HAO2: variants seen among roughly 807,000 people sequenced by gnomAD.
HAO2 encodes the protein 2-Hydroxyacid oxidase 2.
In HAO2, 42 loss-of-function variants were observed where a neutral mutation model predicts 37.4. That is an observed-to-expected ratio of 1.12 (90% CI 0.88 to 1.45). The LOEUF (loss-of-function observed/expected upper bound fraction) is 1.45. HAO2 is among the 40% of genes most tolerant of loss of function. HAO2 has a pLI of 0.00. For synonymous variants in HAO2, 180 were observed against 162.8 expected, an observed-to-expected ratio of 1.11 and a Z score of -0.81; for missense variants, 476 against 430.2, an observed-to-expected ratio of 1.11 and a Z score of -0.94.
rs1648713475 is a variant in HAO2, at chr1:119,368,798, G to C, written c.-113G>C. 3 of 152,178 alleles carry C rather than the reference G, an allele frequency of 2.0e-5. No individual in the cohort carries two copies. The South Asian group carries it at 6.2e-4, about 31-fold the overall frequency. The allele number at this position is 152,178 out of a possible 1,614,324, so 9.4% of individuals were successfully genotyped here. A position where few individuals can be genotyped will look rare whatever the true frequency, so the allele number is the denominator to read the frequency against. On this transcript the variant is annotated 5_prime_UTR_variant, in exon 1 of 8. Transcript: ENST00000325945. ...AGCCTCTTCTTTAGCCTGAACTGTG[G>C]GTAGTGATGTGGTGTGTTTCCTAAC...
chr1:119,382,827 T>C, intron 2 of HAO2, 88 bp from the exon 3 acceptor site: 1 of 1,252,960 alleles, frequency 8.0e-7, no homozygotes, highest in African/African-American at 1.5e-5. Context: ...TAGACTTGTA[T>C]CAGGAATCAG....
At position 119,385,023 on chromosome 1, in the gene HAO2, A is replaced by C; in HGVS notation, c.531A>C (p.Leu177Phe). The C allele has an allele frequency of 6.2e-7, 1 of 1,613,294 alleles. No homozygotes were observed. Among genetic ancestry groups the C allele is most frequent in the Non-Finnish European group, 8.5e-7 (1 of 1,179,368 alleles). ...HDIRNQLRRN[L>F]TLTDLQSPKK... ...TTCGAAACCAGTTGAGGAGGAACTT[A>C]ACACTAACAGATCTTCAATCACCTA... The change falls in exon 4 of 8, where the codon TTA becomes TTC. Residue 177 changes from leucine to phenylalanine, a missense_variant. Coordinates refer to ENST00000325945, the MANE Select transcript of HAO2 (RefSeq NM_016527.4).
At chr1:119,381,358 T>C (rs1428488910) in intron 2 of HAO2, 142 bp downstream of exon 2, 1 of 702,390 alleles carries the variant, frequency 1.4e-6, no homozygotes, top group Non-Finnish European at 2.5e-6. Flanking sequence ...GTTGTTGTTT[T>C]GGTTTGTTAG....
In HAO2 at chr1:119,384,783, A is replaced by G. The variant is rs1040692260; in HGVS notation, c.291A>G (p.Gln97=). Residue 97 remains glutamine, a synonymous_variant, in exon 4 of 8, where the codon CAA becomes CAG. Transcript: ENST00000325945. ...DGEMSTARAA[Q]AAGICYITST... ...ATGTCCTTTGCTTTACAGCTGCCCA[A>G]GCGGCTGGTATCTGCTACATCACCA... 1 of 1,613,818 alleles carries G rather than the reference A, an allele frequency of 6.2e-7. No individual in the cohort carries two copies. Among genetic ancestry groups the G allele is most frequent in the Admixed American group, 1.7e-5 (1 of 60,014 alleles).
At position 119,392,615 on chromosome 1, in the gene HAO2, C is replaced by G. The variant is rs1157263939; in HGVS notation, c.931-3C>G. The G allele has an allele frequency of 1.3e-6, 2 of 1,596,910 alleles. No homozygotes were observed. Among genetic ancestry groups the G allele is most frequent in the Non-Finnish European group, 1.7e-6 (2 of 1,164,586 alleles). ...TGTCTCTGTCTGTCTGCCTCGGGAG[C>G]AGGGTGAACATGGTGTTAAGGAAGT... On this transcript the variant is annotated splice_region_variant and splice_polypyrimidine_tract_variant and intron_variant, in intron 6 of 7. Transcript: ENST00000325945.
At position 119,385,146 on chromosome 1, in the gene HAO2, C is replaced by T; in HGVS notation, c.561+93C>T. 2.7e-6 allele frequency: 4 copies of T among 1,508,832 alleles called. No homozygotes were observed. The South Asian group carries it at 5.3e-5, about 20-fold the overall frequency. 93.5% of individuals were successfully genotyped at this position (1,508,832 alleles called of 1,614,324 possible). A position where few individuals can be genotyped will look rare whatever the true frequency, so the allele number is the denominator to read the frequency against. On this transcript the variant is annotated intron_variant, in intron 4 of 7. Transcript: ENST00000325945. The stretch of plus-strand genomic sequence containing the variant: ...TTCCTCCATTCTTTCTTTCCACAGG[C>T]ATTTATCGAACACCTGCTCTGTGCC...
intron 5 of HAO2, among the ~76,000 whole-genome samples, chr1:119,390,629 T>C (rs41443445): frequency 0.038 from 5,818 of 152,298 alleles, 254 homozygotes; most frequent in East Asian, 0.19. Flanking sequence ...GTGGAGTTGA[T>C]AATAATTGTG....
chr1:119,388,977 T>A (rs1161588788), intron 5 of HAO2, among the ~76,000 whole-genome samples: 2 of 149,848 alleles, frequency 1.3e-5, no homozygotes, highest in African/African-American at 4.9e-5. Context: ...CTCTTATGCC[T>A]TTGCATCCTC....
intron 5 of HAO2, among the ~76,000 whole-genome samples, chr1:119,389,152 A>ATGTG (rs1553205822): frequency 1.3e-5 from 1 of 74,708 alleles, no homozygotes; most frequent in East Asian, 3.9e-4. Flanking sequence ...ATATATATAT[A>ATGTG]TATATATATA....
At chr1:119,383,480 C>T (rs369087119) in intron 3 of HAO2, among the ~76,000 whole-genome samples, 1 of 152,148 alleles carries the variant, frequency 6.6e-6, no homozygotes. Flanking sequence ...GAGAGAATCA[C>T]GACATTAGGT....
intron 1 of HAO2, among the ~76,000 whole-genome samples, chr1:119,373,895 G>A (rs142090313): frequency 4.3e-4 from 65 of 152,230 alleles, no homozygotes; most frequent in African/African-American, 1.4e-3. Context: ...ACAAAAAAAG[G>A]GCCATTATGG....
intron 5 of HAO2, 103 bp downstream of exon 5, chr1:119,386,934 C>CTCCTCT (rs1650431793): frequency 4.1e-6 from 3 of 736,038 alleles, no homozygotes; most frequent in Admixed American, 1.9e-5. Context: ...GCATATTTCA[C>CTCCTCT]TCCTCTGTAC....
At chr1:119,369,538 C>T (rs1648794884) in intron 1 of HAO2, among the ~76,000 whole-genome samples, 1 of 152,122 alleles carries the variant, frequency 6.6e-6, no homozygotes, top group Admixed American at 6.5e-5. Context: ...ATAAAGCGTC[C>T]ATTAGCAGGA....
rs775633274 is a variant in HAO2, at chr1:119,386,737, C to A, written c.677C>A (p.Thr226Lys). 1.2e-6 allele frequency: 2 copies of A among 1,613,382 alleles called. No individual in the cohort carries two copies. Among genetic ancestry groups the A allele is most frequent in the Non-Finnish European group, 1.7e-6 (2 of 1,179,406 alleles). The change falls in exon 5 of 8, where the codon ACA becomes AAA. Residue 226 changes from threonine (T) to lysine (K), a missense_variant. Thr to Lys is a moderately conservative substitution (Grantham distance 78). Transcript: ENST00000325945. ...CCCATCATCCTGAAAGGGATTTTGA[C>A]AAAAGAGGATGCAGAGTTAGCTGTG... Reference protein sequence around the residue: ...RLPIILKGILTKEDAELAVKH... With the variant: ...RLPIILKGILKKEDAELAVKH...
At chr1:119,385,237 A>C in intron 4 of HAO2, 184 bp downstream of exon 4, 1 of 984,850 alleles carries the variant, frequency 1.0e-6, no homozygotes, top group Non-Finnish European at 1.2e-6. Context: ...TTTCCAGACA[A>C]GCACAATCAA....
At chr1:119,392,404 C>T in intron 6 of HAO2, 136 bp downstream of exon 6, 1 of 780,810 alleles carries the variant, frequency 1.3e-6, no homozygotes, top group East Asian at 2.6e-5. Flanking sequence ...GCTGCATCTC[C>T]ATGCTTCTTC....
rs587615506 is a variant in HAO2 at position 119,379,990 on chromosome 1, G to A, written c.-8-1088G>A. Among the ~76,000 whole-genome samples the A allele has an allele frequency of 3.9e-5, 6 of 152,262 alleles. No homozygotes were observed. The South Asian group carries it at 1.0e-3, about 26-fold the overall frequency. On this transcript the variant is annotated intron_variant, in intron 1 of 7. Coordinates refer to ENST00000325945, the MANE Select transcript of HAO2 (RefSeq NM_016527.4). The stretch of plus-strand genomic sequence containing the variant: ...ATTCCTGGTTGAAGCCCTAGTTACT[G>A]CGGCCTATCTTCTTCCTTTAGATAA...
At position 119,383,063 on chromosome 1, in the gene HAO2, A is replaced by G; in HGVS notation, c.280A>G (p.Arg94Gly). Residue 94 changes from arginine to glycine, a missense_variant, in exon 3 of 8, where the codon AGA becomes GGA. Physicochemically the swap from Arg to Gly is moderately radical, Grantham distance 125 (BLOSUM62 -2). Transcript: ENST00000325945. ...VWPDGEMSTA[R>G]AAQAAGICYI... ...GCCTGATGGGGAAATGAGCACAGCAAGAGGTATGAACCATCCCCACCTCGA... is the reference window on the plus strand; with the variant it reads ...GCCTGATGGGGAAATGAGCACAGCAGGAGGTATGAACCATCCCCACCTCGA... 7 of 1,611,140 alleles carry G rather than the reference A, an allele frequency of 4.3e-6. No homozygotes were observed. Among genetic ancestry groups the G allele is most frequent in the Non-Finnish European group, 5.9e-6 (7 of 1,178,502 alleles).
chr1:119,379,714 A>G (rs1649765553), intron 1 of HAO2, among the ~76,000 whole-genome samples: 1 of 152,146 alleles, frequency 6.6e-6, no homozygotes, highest in Admixed American at 6.5e-5. Context: ...CGTAGCCTCC[A>G]TCTAGAGCCC....
Sources: gnomAD v4.1 joint callset for allele counts (sites outside exome capture counted in the v4.1 genomes callset) on GRCh38, gnomAD v4.1.1 for gene constraint, MANE v1.5 for transcripts, NCBI Gene and HGNC (gene_info 2026-07-23, HGNC 2026-07-21) for gene names.